Variants in MTMR3 observed in about 807,000 individuals in gnomAD.
MTMR3 encodes the protein phosphatidylinositol-3,5-bisphosphate 3-phosphatase MTMR3.
Under a neutral mutation model 132.4 loss-of-function variants are expected in MTMR3, and 32 were observed. That is an observed-to-expected ratio of 0.24 (90% CI 0.18 to 0.32). The LOEUF is 0.32. Ranked by LOEUF, MTMR3 falls within the 10% of genes least tolerant of loss-of-function variation. The pLI is 1.00. For synonymous variants in MTMR3, 556 were observed against 550.3 expected (o/e 1.01, Z -0.14); for missense variants, 1,216 against 1,489.6 (o/e 0.82, Z 3.02).
At chr22:30,022,197 C>T (rs1402307579) in intron 18 of MTMR3, 58 bp downstream of exon 18, 10 of 1,383,154 alleles carry the variant, frequency 7.2e-6, no homozygotes, top group Non-Finnish European at 7.2e-6. Flanking sequence ...TGGTTCTTCT[C>T]CACCCCCATT....
Position 29,937,361 on chromosome 22 carries a change from ATTTG to A in MTMR3, c.-137-19672_-137-19669del, listed in dbSNP as rs376157090. Among the ~76,000 whole-genome samples the A allele has an allele frequency of 4.5e-3, 675 of 151,148 alleles. 6 individuals are homozygous for A. Among genetic ancestry groups the A allele is most frequent in the African/African-American group, 0.015 (637 of 41,204 alleles). Reference sequence around the variant, plus strand: ...ACAGCAGTTTTGAGGCTTGGGAGCTATTTGTTCTATTCCTTTTTTTGTGCTTGTT... The same window carrying A: ...ACAGCAGTTTTGAGGCTTGGGAGCTATTCTATTCCTTTTTTTGTGCTTGTT... On this transcript the variant is annotated intron_variant, in intron 1 of 19. Coordinates refer to ENST00000401950, the MANE Select transcript of MTMR3 (RefSeq NM_021090.4).
At chr22:29,894,636 C>T (rs1049198738) in intron 1 of MTMR3, among the ~76,000 whole-genome samples, 18 of 151,780 alleles carry the variant, frequency 1.2e-4, no homozygotes, top group African/African-American at 3.6e-4. Context: ...CTTAGGCAAA[C>T]GATTTTTATT....
intron 1 of MTMR3, among the ~76,000 whole-genome samples, chr22:29,943,990 AT>A (rs960075520): frequency 2.7e-5 from 4 of 150,556 alleles, no homozygotes; most frequent in Admixed American, 6.6e-5. Flanking sequence ...TGACTGGCTA[AT>A]TTTTTTTTGT....
chr22:29,966,156 A>G (rs1176143807), intron 2 of MTMR3, among the ~76,000 whole-genome samples: 1 of 152,130 alleles, frequency 6.6e-6, no homozygotes, highest in Non-Finnish European at 1.5e-5. Flanking sequence ...CATTCTGCCT[A>G]CTCCTTGGTA....
intron 12 of MTMR3, chr22:30,009,817 A>G (rs1162838013): frequency 6.6e-6 from 1 of 152,252 alleles, no homozygotes; most frequent in Non-Finnish European, 1.5e-5. Flanking sequence ...TATTTCAGGA[A>G]GCCAGAGATA....
chr22:29,973,406 A>G (rs1602600594), intron 3 of MTMR3, among the ~76,000 whole-genome samples: 1 of 151,998 alleles, frequency 6.6e-6, no homozygotes, highest in African/African-American at 2.4e-5. Context: ...TTTTACCCCT[A>G]CCCTTTTGGC....
chr22:30,005,640 C>T (rs566923733), intron 9 of MTMR3: 1 of 152,322 alleles, frequency 6.6e-6, no homozygotes, highest in East Asian at 1.9e-4. Context: ...CAAGTACTTA[C>T]AGCTACTTGT....
In MTMR3 at chr22:30,025,816, G is replaced by C. The variant is rs1465504603; in HGVS notation, c.*15G>C. The C allele has an allele frequency of 6.2e-7, 1 of 1,613,206 alleles. No individual in the cohort carries two copies. The highest frequency in any genetic ancestry group is 8.5e-7 in the Non-Finnish European group (1 of 1,179,930). Reference sequence around the variant, plus strand: ...CTTCCAACTGAAGCTCAGTGACCTGGGTGGGCAGTGGCCAAGCTGCTGTTC... The same window carrying C: ...CTTCCAACTGAAGCTCAGTGACCTGCGTGGGCAGTGGCCAAGCTGCTGTTC... On this transcript the variant is annotated 3_prime_UTR_variant, in exon 20 of 20. Transcript: ENST00000401950.
intron 6 of MTMR3, 35 bp from the exon 7 acceptor site, chr22:29,991,469 C>T: frequency 1.3e-6 from 2 of 1,557,600 alleles, no homozygotes; most frequent in East Asian, 2.3e-5. Context: ...CAACTGTCTT[C>T]TGATTACATC....
chr22:29,971,963 G>A (rs1204873803), intron 3 of MTMR3, among the ~76,000 whole-genome samples: 3 of 152,128 alleles, frequency 2.0e-5, no homozygotes, highest in African/African-American at 7.2e-5. Flanking sequence ...GCTTCATTAG[G>A]GACGTATGGA....
Position 30,012,608 on chromosome 22 carries a change from A to C in MTMR3, c.1317+45A>C, listed in dbSNP as rs2067460247. The C allele has an allele frequency of 2.0e-6, 3 of 1,537,764 alleles. No individual in the cohort carries two copies. In the African/African-American group the frequency reaches 4.2e-5, roughly 21 times the overall value. ...AGGGGTTGGTACTTCAGGATGAGCC[A>C]GGGAAACGTCTCAGGAGTGATACCA... On this transcript the variant is annotated intron_variant, in intron 13 of 19. Coordinates refer to ENST00000401950, the MANE Select transcript of MTMR3 (RefSeq NM_021090.4).
intron 1 of MTMR3, among the ~76,000 whole-genome samples, chr22:29,947,815 A>C (rs2065981107): frequency 1.3e-5 from 2 of 152,204 alleles, no homozygotes; most frequent in Non-Finnish European, 2.9e-5. Context: ...TACATGAGAT[A>C]AATATTACTA....
chr22:29,936,259 A>G (rs1247416966), intron 1 of MTMR3, among the ~76,000 whole-genome samples: 1 of 152,166 alleles, frequency 6.6e-6, no homozygotes, highest in East Asian at 1.9e-4. Flanking sequence ...TTTTGGGGAA[A>G]GTCAGATTAT....
chr22:29,916,399 T>C (rs995394198), intron 1 of MTMR3, among the ~76,000 whole-genome samples: 1 of 152,230 alleles, frequency 6.6e-6, no homozygotes, highest in African/African-American at 2.4e-5. Flanking sequence ...TTACAGCTGC[T>C]TCAGCCTTCG....
At chr22:30,008,460 T>C (rs975327173) in intron 11 of MTMR3, 1 of 170,240 alleles carries the variant, frequency 5.9e-6, no homozygotes, top group South Asian at 1.4e-4. Context: ...ATTGAAGCAG[T>C]AAATACAGAA....
At chr22:29,916,301 C>T (rs1055725589) in intron 1 of MTMR3, among the ~76,000 whole-genome samples, 2 of 152,176 alleles carry the variant, frequency 1.3e-5, no homozygotes, top group Admixed American at 6.5e-5. Flanking sequence ...TTGCTTGTTA[C>T]CCAGTGGTTG....
chr22:29,932,710 C>G (rs1211940912), intron 1 of MTMR3, among the ~76,000 whole-genome samples: 1 of 152,074 alleles, frequency 6.6e-6, no homozygotes, highest in African/African-American at 2.4e-5. Flanking sequence ...TACCTACGAC[C>G]TAATTTAACA....
At position 30,016,584 on chromosome 22, in the gene MTMR3, C is replaced by T. The variant is rs759820078; in HGVS notation, c.1560C>T (p.Asn520=). 24 of 1,614,198 alleles carry T rather than the reference C, an allele frequency of 1.5e-5. No individual in the cohort carries two copies. The highest frequency in any genetic ancestry group is 3.3e-5 in the Admixed American group (2 of 60,028). ...TGTTTGGAACATTCCTGTGCAACAA[C>T]GCCAAGGAGAGAGGGGAAAAGCATA... ...SCLFGTFLCN[N]AKERGEKHTQ... Residue 520 remains asparagine, a synonymous_variant, in exon 15 of 20, where the codon AAC becomes AAT. Transcript: ENST00000401950.
chr22:29,998,622 G>A (rs2067108720), intron 7 of MTMR3, 139 bp from the exon 8 acceptor site: 4 of 420,960 alleles, frequency 9.5e-6, no homozygotes, highest in Non-Finnish European at 1.6e-5. Context: ...CGGCCTATGT[G>A]ACAGAGTGGA....
Sources: gnomAD v4.1 joint callset for allele counts (sites outside exome capture counted in the v4.1 genomes callset) on GRCh38, gnomAD v4.1.1 for gene constraint, MANE v1.5 for transcripts, NCBI Gene and HGNC (gene_info 2026-07-23, HGNC 2026-07-21) for gene names.